Variants in NRXN3 observed in about 807,000 individuals in gnomAD.
The protein encoded by NRXN3 is neurexin III.
NRXN3 carries 32 observed loss-of-function variants against 137.6 expected under a neutral mutation model. The ratio of observed to expected loss-of-function variants is 0.23; its 90% CI spans 0.18 to 0.31. The LOEUF is 0.31. Among genes scored for constraint, NRXN3 ranks in the 10% least tolerant of loss-of-function variants. NRXN3 has a pLI of 1.00. For synonymous variants in NRXN3, 798 were observed against 784.5 expected (o/e 1.02, Z -0.29); for missense variants, 1,574 against 2,062.5 (o/e 0.76, Z 4.59).
intron 1 of NRXN3, among the ~76,000 whole-genome samples, chr14:78,197,304 G>A (rs2061319953): frequency 6.6e-6 from 1 of 152,194 alleles, no homozygotes; most frequent in South Asian, 2.1e-4. Context: ...TTCAGAGCTT[G>A]GCTGCATGCC....
intron 15 of NRXN3, among the ~76,000 whole-genome samples, chr14:79,209,844 T>C (rs1266306367): frequency 6.6e-6 from 1 of 152,186 alleles, no homozygotes; most frequent in African/African-American, 2.4e-5. Flanking sequence ...TTACTATTTA[T>C]GCACAGCTAT....
intron 4 of NRXN3, among the ~76,000 whole-genome samples, chr14:78,422,616 A>G (rs971700379): frequency 6.6e-6 from 1 of 152,228 alleles, no homozygotes; most frequent in Non-Finnish European, 1.5e-5. Context: ...GCACTGTAAT[A>G]TGGGTTAATC....
intron 15 of NRXN3, among the ~76,000 whole-genome samples, chr14:79,247,906 AC>A (rs2075417805): frequency 1.3e-5 from 2 of 151,780 alleles, no homozygotes; most frequent in Non-Finnish European, 2.9e-5. Flanking sequence ...TAAAAAAAAA[AC>A]ACTCTAAATT....
chr14:79,762,622 A>T (rs2099042484), intron 19 of NRXN3, among the ~76,000 whole-genome samples: 1 of 151,418 alleles, frequency 6.6e-6, no homozygotes, highest in African/African-American at 2.5e-5. Flanking sequence ...TGTAAGTCTT[A>T]TTTTCTTGTT....
rs376308946 is a variant in NRXN3, at chr14:78,431,745, A to AAGT, written c.757+133887_757+133889dup. Among the ~76,000 whole-genome samples the AAGT allele has an allele frequency of 4.7e-3, 709 of 152,286 alleles. 5 individuals carry two copies. Among genetic ancestry groups the AAGT allele is most frequent in the African/African-American group, 6.5e-3 (271 of 41,550 alleles). ...TACTTCCTCAGTTTTACAGATTATA[A>AAGT]AGTAATAATAATAATAGCAATATTT... On this transcript the variant is annotated intron_variant, in intron 4 of 20. Transcript: ENST00000335750.
At chr14:79,598,138 T>G (rs1352226178) in intron 16 of NRXN3, among the ~76,000 whole-genome samples, 1 of 152,218 alleles carries the variant, frequency 6.6e-6, no homozygotes, top group Admixed American at 6.5e-5. Context: ...ATGTGAGATT[T>G]TAGAAATAGG....
chr14:79,324,194 A>G (rs2090511952), intron 15 of NRXN3, among the ~76,000 whole-genome samples: 1 of 152,262 alleles, frequency 6.6e-6, no homozygotes, highest in Non-Finnish European at 1.5e-5. Flanking sequence ...AGACAGAATC[A>G]GGCCTATAAG....
At chr14:79,611,605 T>A (rs221517) in intron 16 of NRXN3, 106,995 of 152,200 alleles carry the variant, frequency 0.7, 38,580 homozygotes, top group African/African-American at 0.88. Context: ...GTGTCAAAAA[T>A]GAAAGATTTA....
At chr14:79,739,301 G>A (rs942932969) in intron 19 of NRXN3, among the ~76,000 whole-genome samples, 4 of 152,140 alleles carry the variant, frequency 2.6e-5, no homozygotes, top group Non-Finnish European at 5.9e-5. Context: ...TTGGGGACCT[G>A]AGAAAGTCAA....
Position 79,329,133 on chromosome 14 carries a change from A to T in NRXN3, c.3263-138088A>T, listed in dbSNP as rs1024999269. ...AACATGTTCTTTAAGGACTGTCAGC[A>T]TCCCAGCTTACTCAGAGTAGATGTG... On this transcript the variant is annotated intron_variant, in intron 15 of 20. Transcript: ENST00000335750. 2.0e-5 allele frequency among the ~76,000 whole-genome samples: 3 copies of T among 152,288 alleles called. No individual in the cohort carries two copies. In the South Asian group the frequency reaches 6.2e-4, roughly 32 times the overall value.
intron 15 of NRXN3, among the ~76,000 whole-genome samples, chr14:79,060,138 T>C (rs989547785): frequency 1.3e-5 from 2 of 152,206 alleles, no homozygotes; most frequent in Non-Finnish European, 2.9e-5. Flanking sequence ...GCCAGGACTT[T>C]AGTGCCTCTT....
intron 15 of NRXN3, among the ~76,000 whole-genome samples, chr14:79,289,644 A>C (rs2082841490): frequency 6.6e-6 from 1 of 152,032 alleles, no homozygotes; most frequent in Non-Finnish European, 1.5e-5. Flanking sequence ...AATCATGAGA[A>C]TCCTTCTAAT....
At chr14:78,590,431 A>G (rs2097106320) in intron 4 of NRXN3, among the ~76,000 whole-genome samples, 1 of 152,224 alleles carries the variant, frequency 6.6e-6, no homozygotes, top group South Asian at 2.1e-4. Context: ...GAATACTTTC[A>G]AAAAGCATCT....
chr14:78,282,727 T>C (rs887297313), intron 3 of NRXN3, among the ~76,000 whole-genome samples: 13 of 152,192 alleles, frequency 8.5e-5, no homozygotes, highest in African/African-American at 3.1e-4. Context: ...CCATTGTAAG[T>C]CATCTCAGGC....
intron 20 of NRXN3, among the ~76,000 whole-genome samples, chr14:79,841,314 A>G (rs2099355330): frequency 6.6e-6 from 1 of 152,132 alleles, no homozygotes; most frequent in African/African-American, 2.4e-5. Context: ...GGTGAGTTTT[A>G]TTGTAAGAGA....
chr14:78,533,139 G>A (rs539891944), intron 4 of NRXN3, among the ~76,000 whole-genome samples: 269 of 126,876 alleles, frequency 2.1e-3, no homozygotes, highest in Non-Finnish European at 3.4e-3. Flanking sequence ...TTGCTCTGTC[G>A]CCCAGGGTGG....
At chr14:78,337,814 G>A (rs2081648732) in intron 4 of NRXN3, among the ~76,000 whole-genome samples, 1 of 152,150 alleles carries the variant, frequency 6.6e-6, no homozygotes, top group Non-Finnish European at 1.5e-5. Flanking sequence ...AACTTCCTTT[G>A]TTTGGAGGAA....
intron 4 of NRXN3, among the ~76,000 whole-genome samples, chr14:78,380,539 A>G (rs1428793574): frequency 6.6e-6 from 1 of 152,184 alleles, no homozygotes; most frequent in East Asian, 1.9e-4. Context: ...AAGACAGAGC[A>G]GAGGGAAATG....
At chr14:79,456,419 T>C (rs1055021810) in intron 15 of NRXN3, among the ~76,000 whole-genome samples, 2 of 152,106 alleles carry the variant, frequency 1.3e-5, no homozygotes, top group East Asian at 1.9e-4. Flanking sequence ...GAGTTAGCTA[T>C]TAAAAGTTGT....
Sources: gnomAD v4.1 joint callset for allele counts (sites outside exome capture counted in the v4.1 genomes callset) on GRCh38, gnomAD v4.1.1 for gene constraint, MANE v1.5 for transcripts, NCBI Gene and HGNC (gene_info 2026-07-23, HGNC 2026-07-21) for gene names.